NKAPL: variants seen among roughly 807,000 people sequenced by gnomAD.
NKAPL encodes the protein NFKB activating protein like, also known as NKAP-like protein.
NKAPL carries 7 observed loss-of-function variants against 14.7 expected under a neutral mutation model. The observed-to-expected ratio is 0.48, with a 90% confidence interval of 0.27 to 0.89. The LOEUF (loss-of-function observed/expected upper bound fraction) is 0.89. NKAPL is among the 40% of genes least tolerant of loss of function. The pLI is 0.12. For missense variants in NKAPL, 466 were observed against 494.1 expected (o/e 0.94, Z 0.54); for synonymous variants, 192 against 179.9 (o/e 1.07, Z -0.54).
chr6:28,259,780 TG>T lies in NKAPL; in HGVS notation c.414del (p.Pro139ArgfsTer8). On this transcript the variant is annotated frameshift_variant, in exon 1 of 1. Coordinates refer to ENST00000343684, the MANE Select transcript of NKAPL (RefSeq NM_001007531.3). LOFTEE classifies it low-confidence loss of function (END_TRUNC). ...RIGELGAPEV[W>X]GPSPKFPQLD... ...TGGGGAATTGGGAGCGCCTGAAGTG[TG>T]GGGGCCGTCTCCAAAGTTCCCTCAG... 1 of 1,614,084 alleles carries T rather than the reference TG, an allele frequency of 6.2e-7. No individual in the cohort carries two copies. The highest frequency in any genetic ancestry group is 1.1e-5 in the South Asian group (1 of 91,076).
In NKAPL at chr6:28,260,120, A is replaced by T. The variant is rs1761311808; in HGVS notation, c.749A>T (p.Asp250Val). The T allele has an allele frequency of 6.3e-7, 1 of 1,595,272 alleles. No individual in the cohort carries two copies. The highest frequency in any genetic ancestry group is 1.4e-5 in the African/African-American group (1 of 73,546). ...AAGAAAACCAAAAAAGAATCCAGTG[A>T]CTCAAGCTGTAAAGACTCAGAAGAG... ...KNKKTKKESS[D>V]SSCKDSEEDL... Residue 250 changes from aspartate (D) to valine (V), a missense_variant, in exon 1 of 1, where the codon GAC becomes GTC. Physicochemically the swap from Asp to Val is radical, Grantham distance 152 (BLOSUM62 -3). Transcript: ENST00000343684.
chr6:28,259,332 T>G lies in NKAPL; in HGVS notation c.-40T>G, dbSNP rs1761282942. Reference sequence around the variant, plus strand: ...CGTGGCCGCGAATCACCAGCCAGCCTCTGGGTCTGTAGCAACCGCCCAGCG... The same window carrying G: ...CGTGGCCGCGAATCACCAGCCAGCCGCTGGGTCTGTAGCAACCGCCCAGCG... On this transcript the variant is annotated 5_prime_UTR_variant, in exon 1 of 1. Transcript: ENST00000343684. 1 of 1,502,766 alleles carries G rather than the reference T, an allele frequency of 6.7e-7. No individual in the cohort carries two copies. The highest frequency in any genetic ancestry group is 8.9e-7 in the Non-Finnish European group (1 of 1,121,778). The allele number at this position is 1,502,766 out of a possible 1,614,324, so 93.1% of individuals were successfully genotyped here.
rs1635 is a variant in NKAPL at position 28,259,826 on chromosome 6, C to A, written c.455C>A (p.Thr152Asn). The change falls in exon 1 of 1, where the codon ACC (threonine) becomes AAC (asparagine). Residue 152 changes from threonine (T) to asparagine (N), a missense_variant. Coordinates refer to ENST00000343684, the MANE Select transcript of NKAPL (RefSeq NM_001007531.3). Reference protein sequence around the residue: ...KFPQLDSDEHTPVEDEEEVTH... With the variant: ...KFPQLDSDEHNPVEDEEEVTH... ...CCTCAGCTAGATTCTGACGAACATACCCCAGTTGAGGATGAAGAAGAGGTA... is the reference window on the plus strand; with the variant it reads ...CCTCAGCTAGATTCTGACGAACATAACCCAGTTGAGGATGAAGAAGAGGTA... 128,332 of 1,614,030 alleles carry A rather than the reference C, an allele frequency of 0.08. 9,995 individuals are homozygous for A. Among genetic ancestry groups the A allele is most frequent in the East Asian group, 0.36 (16,327 of 44,880 alleles).
Position 28,259,516 on chromosome 6 carries a change from G to C in NKAPL, c.145G>C (p.Glu49Gln). Residue 49 changes from glutamate (E) to glutamine (Q), a missense_variant, in exon 1 of 1, where the codon GAG becomes CAG. Physicochemically the swap from Glu to Gln is conservative, Grantham distance 29. Transcript: ENST00000343684. ...TTCCCGCTCTCACTCCCGCGGCCGT[G>C]AGGGCCTCAGGCCTCCTTGGAGTGA... ...GCSRSHSRGR[E>Q]GLRPPWSELD... is the part of the protein sequence containing the mutation. The C allele has an allele frequency of 6.2e-7, 1 of 1,614,238 alleles. No individual in the cohort carries two copies. Among genetic ancestry groups the C allele is most frequent in the African/African-American group, 1.3e-5 (1 of 75,080 alleles).
Position 28,259,770 on chromosome 6 carries a change from G to A in NKAPL, c.399G>A (p.Ala133=). Residue 133 remains alanine, a synonymous_variant, in exon 1 of 1, where the codon GCG becomes GCA. Transcript: ENST00000343684. ...KERERIGELG[A]PEVWGPSPKF... ...GAGAGAGGATTGGGGAATTGGGAGC[G>A]CCTGAAGTGTGGGGGCCGTCTCCAA... 1 of 1,614,176 alleles carries A rather than the reference G, an allele frequency of 6.2e-7. No homozygotes were observed. The highest frequency in any genetic ancestry group is 8.5e-7 in the Non-Finnish European group (1 of 1,180,046).
Position 28,259,547 on chromosome 6 carries a change from A to G in NKAPL, c.176A>G (p.Asp59Gly). The stretch of plus-strand genomic sequence containing the variant: ...CTCAGGCCTCCTTGGAGTGAGTTGG[A>G]CGTGGGCGCTCTTTACCCCTTTAGT... Reference protein sequence around the residue: ...EGLRPPWSELDVGALYPFSRS... With the variant: ...EGLRPPWSELGVGALYPFSRS... Residue 59 changes from aspartate (D) to glycine (G), a missense_variant, in exon 1 of 1, where the codon GAC becomes GGC. Physicochemically the swap from Asp to Gly is moderately conservative, Grantham distance 94. Transcript: ENST00000343684. 1 of 1,614,176 alleles carries G rather than the reference A, an allele frequency of 6.2e-7. No individual in the cohort carries two copies. Among genetic ancestry groups the G allele is most frequent in the Non-Finnish European group, 8.5e-7 (1 of 1,179,992 alleles).
chr6:28,260,797 A>T lies in NKAPL; in HGVS notation c.*217A>T. 1 of 488,220 alleles carries T rather than the reference A, an allele frequency of 2.0e-6. No individual in the cohort carries two copies. Among genetic ancestry groups the T allele is most frequent in the Non-Finnish European group, 3.6e-6 (1 of 277,358 alleles). 30.2% of individuals were successfully genotyped at this position (488,220 alleles called of 1,614,324 possible). A position where few individuals can be genotyped will look rare whatever the true frequency, so the allele number is the denominator to read the frequency against. ...AAAAATATTCAACCATTATAGGAGGAGAGTTAGTAAAAAGTGAATCTTTCA... is the reference window on the plus strand; with the variant it reads ...AAAAATATTCAACCATTATAGGAGGTGAGTTAGTAAAAAGTGAATCTTTCA... On this transcript the variant is annotated 3_prime_UTR_variant, in exon 1 of 1. Coordinates refer to ENST00000343684, the MANE Select transcript of NKAPL (RefSeq NM_001007531.3).
In NKAPL at chr6:28,260,088, G is replaced by A. The variant is rs572412642; in HGVS notation, c.717G>A (p.Lys239=). The A allele has an allele frequency of 4.4e-6, 7 of 1,579,254 alleles. No homozygotes were observed. The South Asian group carries it at 8.3e-5, about 19-fold the overall frequency. Residue 239 remains lysine, a synonymous_variant, in exon 1 of 1, where the codon AAG becomes AAA. Coordinates refer to ENST00000343684, the MANE Select transcript of NKAPL (RefSeq NM_001007531.3). ...KKKKKHKTKK[K]KNKKTKKESS... Reference sequence around the variant, plus strand: ...AAAAGAAACACAAAACAAAGAAAAAGAAGAATAAGAAAACCAAAAAAGAAT... The same window carrying A: ...AAAAGAAACACAAAACAAAGAAAAAAAAGAATAAGAAAACCAAAAAAGAAT...
chr6:28,259,327 C>G lies in NKAPL; in HGVS notation c.-45C>G. ...GCCTGCGTGGCCGCGAATCACCAGCCAGCCTCTGGGTCTGTAGCAACCGCC... is the reference window on the plus strand; with the variant it reads ...GCCTGCGTGGCCGCGAATCACCAGCGAGCCTCTGGGTCTGTAGCAACCGCC... On this transcript the variant is annotated 5_prime_UTR_variant, in exon 1 of 1. Transcript: ENST00000343684. The G allele has an allele frequency of 6.8e-7, 1 of 1,480,076 alleles. No individual in the cohort carries two copies. 91.7% of individuals were successfully genotyped at this position (1,480,076 alleles called of 1,614,324 possible).
chr6:28,259,437 C>T lies in NKAPL; in HGVS notation c.66C>T (p.Ser22=). 1 of 1,612,100 alleles carries T rather than the reference C, an allele frequency of 6.2e-7. No individual in the cohort carries two copies. Among genetic ancestry groups the T allele is most frequent in the Non-Finnish European group, 8.5e-7 (1 of 1,178,714 alleles). The change falls in exon 1 of 1, where the codon AGC becomes AGT. Residue 22 remains serine, a synonymous_variant. Transcript: ENST00000343684. Reference sequence around the variant, plus strand: ...TGGGCTCTCGGAGAAGGCGACGCAGCTCCTCGGGGAGCCCACCATCCCCGC... The same window carrying T: ...TGGGCTCTCGGAGAAGGCGACGCAGTTCCTCGGGGAGCCCACCATCCCCGC... ...DIVGSRRRRR[S]SSGSPPSPQS...
rs137893763 is a variant in NKAPL, at chr6:28,259,814, C to G, written c.443C>G (p.Ser148Cys). 8 of 1,614,054 alleles carry G rather than the reference C, an allele frequency of 5.0e-6. No homozygotes were observed. The African/African-American group carries it at 9.3e-5, about 19-fold the overall frequency. ...TCTCCAAAGTTCCCTCAGCTAGATT[C>G]TGACGAACATACCCCAGTTGAGGAT... ...GPSPKFPQLDSDEHTPVEDEE... is the reference protein window; with the variant it reads ...GPSPKFPQLDCDEHTPVEDEE... The change falls in exon 1 of 1, where the codon TCT (serine) becomes TGT (cysteine). Residue 148 changes from serine (S) to cysteine (C), a missense_variant. Ser to Cys is a moderately radical substitution (Grantham distance 112, BLOSUM62 -1). Transcript: ENST00000343684.
chr6:28,259,723 C>T lies in NKAPL; in HGVS notation c.352C>T (p.Arg118Trp), dbSNP rs1308708320. 1.9e-6 allele frequency: 3 copies of T among 1,614,140 alleles called. No individual in the cohort carries two copies. Among genetic ancestry groups the T allele is most frequent in the East Asian group, 2.2e-5 (1 of 44,878 alleles). The change falls in exon 1 of 1, where the codon CGG (arginine) becomes TGG (tryptophan). Residue 118 changes from arginine to tryptophan, a missense_variant. By Grantham distance (101) the Arg-to-Trp change is moderately radical. Coordinates refer to ENST00000343684, the MANE Select transcript of NKAPL (RefSeq NM_001007531.3). ...AEDYEKEESH[R>W]QRRLKERERI... ...AGACTACGAGAAGGAAGAGAGCCAT[C>T]GGCAGAGGAGGCTGAAGGAGAGAGA...
Position 28,260,196 on chromosome 6 carries a change from G to A in NKAPL, c.825G>A (p.Met275Ile). ...AGCAGCCAAATGTGGCAGATACTAT[G>A]GATTTAATAGGGCCAGAAGCACCTA... ...WMEQPNVADT[M>I]DLIGPEAPII... The change falls in exon 1 of 1, where the codon ATG (methionine) becomes ATA (isoleucine). Residue 275 changes from methionine (M) to isoleucine (I), a missense_variant. Transcript: ENST00000343684. The A allele has an allele frequency of 6.2e-7, 1 of 1,614,196 alleles. No homozygotes were observed. The highest frequency in any genetic ancestry group is 2.2e-5 in the East Asian group (1 of 44,886).
rs1408678345 is a variant in NKAPL, at chr6:28,259,932, A to G, written c.561A>G (p.Lys187=). ...AGACCAGTCGTTCAAGAAACAAGAA[A>G]AAAAGAAAGAATAAGTCGTCTAAAA... is the stretch of plus-strand genomic sequence containing the variant. ...KKKTSRSRNK[K]KRKNKSSKRK... Residue 187 remains lysine, a synonymous_variant, in exon 1 of 1, where the codon AAA becomes AAG. Coordinates refer to ENST00000343684, the MANE Select transcript of NKAPL (RefSeq NM_001007531.3). The G allele has an allele frequency of 1.9e-6, 3 of 1,609,868 alleles. No individual in the cohort carries two copies. The highest frequency in any genetic ancestry group is 2.2e-5 in the East Asian group (1 of 44,864).
In NKAPL at chr6:28,259,493, C is replaced by A; in HGVS notation, c.122C>A (p.Ser41Tyr). The A allele has an allele frequency of 1.9e-6, 3 of 1,614,196 alleles. No homozygotes were observed. Among genetic ancestry groups the A allele is most frequent in the South Asian group, 1.1e-5 (1 of 91,086 alleles). The change falls in exon 1 of 1, where the codon TCC becomes TAC. Residue 41 changes from serine (S) to tyrosine (Y), a missense_variant. Ser to Tyr is a moderately radical substitution (Grantham distance 144). Coordinates refer to ENST00000343684, the MANE Select transcript of NKAPL (RefSeq NM_001007531.3). ...QSRCSSWDGC[S>Y]RSHSRGREGL... The stretch of plus-strand genomic sequence containing the variant: ...AGATGTTCCTCTTGGGATGGCTGTT[C>A]CCGCTCTCACTCCCGCGGCCGTGAG...
In NKAPL at chr6:28,259,792, C is replaced by G. The variant is rs749676011; in HGVS notation, c.421C>G (p.Pro141Ala). 1.2e-6 allele frequency: 2 copies of G among 1,614,174 alleles called. No individual in the cohort carries two copies. Among genetic ancestry groups the G allele is most frequent in the Non-Finnish European group, 1.7e-6 (2 of 1,180,034 alleles). ...AGCGCCTGAAGTGTGGGGGCCGTCT[C>G]CAAAGTTCCCTCAGCTAGATTCTGA... The part of the protein sequence containing the change: ...LGAPEVWGPS[P>A]KFPQLDSDEH... Residue 141 changes from proline (P) to alanine (A), a missense_variant, in exon 1 of 1, where the codon CCA becomes GCA. Pro to Ala is a conservative substitution (Grantham distance 27). Coordinates refer to ENST00000343684, the MANE Select transcript of NKAPL (RefSeq NM_001007531.3).
chr6:28,259,759 G>A lies in NKAPL; in HGVS notation c.388G>A (p.Glu130Lys). Residue 130 changes from glutamate to lysine, a missense_variant, in exon 1 of 1, where the codon GAA (glutamate) becomes AAA (lysine). Glu to Lys is a moderately conservative substitution (Grantham distance 56). Coordinates refer to ENST00000343684, the MANE Select transcript of NKAPL (RefSeq NM_001007531.3). ...RRLKERERIG[E>K]LGAPEVWGPS... is the part of the protein sequence containing the mutation. ...GCTGAAGGAGAGAGAGAGGATTGGG[G>A]AATTGGGAGCGCCTGAAGTGTGGGG... The A allele has an allele frequency of 6.2e-7, 1 of 1,614,222 alleles. No homozygotes were observed. The highest frequency in any genetic ancestry group is 8.5e-7 in the Non-Finnish European group (1 of 1,180,042).
Position 28,260,515 on chromosome 6 carries a change from A to ACTTT in NKAPL, c.1144_1145insCTTT (p.Ser382ThrfsTer3). The ACTTT allele has an allele frequency of 6.2e-7, 1 of 1,614,152 alleles. No individual in the cohort carries two copies. Among genetic ancestry groups the ACTTT allele is most frequent in the Admixed American group, 1.7e-5 (1 of 60,024 alleles). ...CCAAGAAGAGAGACGAAAGAGAGAA[A>ACTTT]GTAAGATTTTAGCCAGTTTCCGAGA... On this transcript the variant is annotated frameshift_variant, in exon 1 of 1. Transcript: ENST00000343684. LOFTEE classifies it high-confidence loss of function.
chr6:28,259,922 G>A lies in NKAPL; in HGVS notation c.551G>A (p.Arg184Lys), dbSNP rs1561867732. 3 of 1,606,174 alleles carry A rather than the reference G, an allele frequency of 1.9e-6. No individual in the cohort carries two copies. Among genetic ancestry groups the A allele is most frequent in the Admixed American group, 1.7e-5 (1 of 57,936 alleles). Residue 184 changes from arginine (R) to lysine (K), a missense_variant, in exon 1 of 1, where the codon AGA becomes AAA. By Grantham distance (26) the Arg-to-Lys change is conservative (BLOSUM62 2). Transcript: ENST00000343684. Reference sequence around the variant, plus strand: ...AGGAAAAAGAAGACCAGTCGTTCAAGAAACAAGAAAAAAAGAAAGAATAAG... The same window carrying A: ...AGGAAAAAGAAGACCAGTCGTTCAAAAAACAAGAAAAAAAGAAAGAATAAG... ...EHRKKKTSRS[R>K]NKKKRKNKSS...
Sources: allele counts gnomAD v4.1 joint callset, GRCh38; gene constraint gnomAD v4.1.1; transcripts MANE v1.5; gene names NCBI Gene and HGNC (gene_info 2026-07-23, HGNC 2026-07-21).